AHCYL2: variants seen among roughly 807,000 people sequenced by gnomAD.
The protein encoded by AHCYL2 is adenosylhomocysteinase like 2.
A neutral mutation model predicts 81.4 loss-of-function variants in AHCYL2; 28 were observed. The ratio of observed to expected loss-of-function variants is 0.34; its 90% CI spans 0.25 to 0.47. AHCYL2 has a LOEUF of 0.47. Among genes scored for constraint, AHCYL2 ranks in the 20% least tolerant of loss-of-function variants. The pLI, the probability that AHCYL2 is intolerant of heterozygous loss-of-function variation, is 1.00. For missense variants in AHCYL2, 551 were observed against 785.1 expected (o/e 0.70, Z 3.56); for synonymous variants, 272 against 290.2 (o/e 0.94, Z 0.64).
intron 11 of AHCYL2, among the ~76,000 whole-genome samples, chr7:129,412,129 A>T (rs1796610048): frequency 6.6e-6 from 1 of 151,728 alleles, no homozygotes; most frequent in Admixed American, 6.6e-5. Context: ...TAGGCAGAGC[A>T]CTTGAGCCCA....
chr7:129,374,637 T>C (rs1006202352), intron 1 of AHCYL2, among the ~76,000 whole-genome samples: 3 of 151,920 alleles, frequency 2.0e-5, no homozygotes, highest in Non-Finnish European at 4.4e-5. Context: ...TGAAACCCCA[T>C]GTTTACTAAA....
intron 4 of AHCYL2, among the ~76,000 whole-genome samples, chr7:129,391,625 C>T (rs891183316): frequency 1.3e-5 from 2 of 152,170 alleles, no homozygotes; most frequent in African/African-American, 4.8e-5. Context: ...AGACCACTAT[C>T]GGGAAATTGT....
chr7:129,359,076 T>A (rs1793843997), intron 1 of AHCYL2, among the ~76,000 whole-genome samples: 1 of 152,190 alleles, frequency 6.6e-6, no homozygotes, highest in Admixed American at 6.5e-5. Flanking sequence ...CATTATTTTT[T>A]TATAGTCCCC....
chr7:129,240,951 T>G (rs1303672530), intron 1 of AHCYL2, among the ~76,000 whole-genome samples: 5 of 152,186 alleles, frequency 3.3e-5, no homozygotes, highest in South Asian at 4.1e-4. Flanking sequence ...TTGATGGAAC[T>G]TAAGAATGAC....
chr7:129,240,867 G>C (rs576579174), intron 1 of AHCYL2, among the ~76,000 whole-genome samples: 1 of 152,240 alleles, frequency 6.6e-6, no homozygotes, highest in Admixed American at 6.5e-5. Context: ...TTATGTATTA[G>C]ATATAGAAAG....
At position 129,403,674 on chromosome 7, in the gene AHCYL2, T is replaced by C. The variant is rs180878427; in HGVS notation, c.1025+189T>C. Among the ~76,000 whole-genome samples the C allele has an allele frequency of 5.2e-3, 790 of 151,752 alleles. 8 individuals carry two copies. Among genetic ancestry groups the C allele is most frequent in the African/African-American group, 0.018 (761 of 41,416 alleles). On this transcript the variant is annotated intron_variant, in intron 7 of 16. Coordinates refer to ENST00000325006, the MANE Select transcript of AHCYL2 (RefSeq NM_015328.4). Reference sequence around the variant, plus strand: ...GTCAGGAGATCAAGACCATCCTGGCTAACACGGTGAAACCCCGTCTCTACT... The same window carrying C: ...GTCAGGAGATCAAGACCATCCTGGCCAACACGGTGAAACCCCGTCTCTACT...
At chr7:129,276,150 A>ACTT (rs1214977081) in intron 1 of AHCYL2, among the ~76,000 whole-genome samples, 1 of 152,126 alleles carries the variant, frequency 6.6e-6, no homozygotes, top group Admixed American at 6.5e-5. Flanking sequence ...AAAAAATAAT[A>ACTT]ATGGAAATTA....
intron 1 of AHCYL2, among the ~76,000 whole-genome samples, chr7:129,295,982 TA>T (rs1176814662): frequency 6.6e-5 from 10 of 152,240 alleles, no homozygotes; most frequent in African/African-American, 2.2e-4. Flanking sequence ...CTTTATTTGC[TA>T]AATAGATTTT....
intron 1 of AHCYL2, among the ~76,000 whole-genome samples, chr7:129,375,042 G>A (rs905761577): frequency 6.6e-6 from 1 of 151,882 alleles, no homozygotes; most frequent in African/African-American, 2.4e-5. Flanking sequence ...GTTGTGATTC[G>A]GGGGACTCTG....
At chr7:129,230,822 C>T (rs564802320) in intron 1 of AHCYL2, among the ~76,000 whole-genome samples, 1 of 152,274 alleles carries the variant, frequency 6.6e-6, no homozygotes, top group East Asian at 1.9e-4. Context: ...CCACCTGCCT[C>T]AGCCTCCCAA....
chr7:129,360,596 T>C (rs1355573159), intron 1 of AHCYL2, among the ~76,000 whole-genome samples: 1 of 152,202 alleles, frequency 6.6e-6, no homozygotes, highest in Non-Finnish European at 1.5e-5. Flanking sequence ...GTGATAGAGA[T>C]CAGTCTGGGG....
intron 1 of AHCYL2, among the ~76,000 whole-genome samples, chr7:129,271,348 G>A (rs1035465610): frequency 3.4e-5 from 4 of 117,630 alleles, no homozygotes; most frequent in East Asian, 4.9e-4. Context: ...GCAACAGAAC[G>A]AGACTGTCTC....
chr7:129,280,072 C>T (rs922248622), intron 1 of AHCYL2, among the ~76,000 whole-genome samples: 7 of 151,886 alleles, frequency 4.6e-5, no homozygotes, highest in African/African-American at 1.2e-4. Context: ...AAGATGGAGT[C>T]GCCTTGGTTC....
chr7:129,368,459 T>G lies in AHCYL2; in HGVS notation c.364-11179T>G, dbSNP rs1233116349. On this transcript the variant is annotated intron_variant, in intron 1 of 16. Coordinates refer to ENST00000325006, the MANE Select transcript of AHCYL2 (RefSeq NM_015328.4). This position sits in a 1 kb window ranked among gnomAD's most constrained non-coding sequence, Gnocchi z 4.4. ...CCAGTATTTCCAAACCAGCTTTCCC[T>G]TTTGCTTCAGGACATATCTTACCCA... 1.2e-6 allele frequency: 2 copies of G among 1,613,662 alleles called. No homozygotes were observed. The highest frequency in any genetic ancestry group is 3.3e-5 in the Admixed American group (2 of 59,990).
chr7:129,269,289 ATT>A (rs56024439), intron 1 of AHCYL2, among the ~76,000 whole-genome samples: 7 of 140,708 alleles, frequency 5.0e-5, no homozygotes, highest in Non-Finnish European at 7.8e-5. Flanking sequence ...ACCATGCCTA[ATT>A]TTTTTTTTTT....
intron 1 of AHCYL2, among the ~76,000 whole-genome samples, chr7:129,225,681 C>T (rs1037187473): frequency 6.6e-6 from 1 of 152,162 alleles, no homozygotes; most frequent in Admixed American, 6.5e-5. Flanking sequence ...GCGCTCTCCC[C>T]TACTACTTGG....
chr7:129,227,457 C>CA (rs58088647), intron 1 of AHCYL2, among the ~76,000 whole-genome samples: 58 of 70,208 alleles, frequency 8.3e-4, no homozygotes, highest in Admixed American at 2.2e-3. Context: ...CCTCTCTCTC[C>CA]AAAAAAAAAA....
At chr7:129,333,950 A>C (rs1220224224) in intron 1 of AHCYL2, among the ~76,000 whole-genome samples, 1 of 152,122 alleles carries the variant, frequency 6.6e-6, no homozygotes. Context: ...ATTTATTCCT[A>C]TCCCCTTTTT....
intron 11 of AHCYL2, 65 bp from the exon 12 acceptor site, chr7:129,413,529 T>G (rs1374898663): frequency 7.9e-7 from 1 of 1,262,564 alleles, no homozygotes; most frequent in African/African-American, 1.5e-5. Context: ...GATTTGCACA[T>G]TTATTTTCTC....
Sources: gnomAD v4.1 joint callset for allele counts (sites outside exome capture counted in the v4.1 genomes callset) on GRCh38, gnomAD v4.1.1 for gene constraint, Gnocchi (gnomAD v3.1) non-coding constraint, MANE v1.5 for transcripts, NCBI Gene and HGNC (gene_info 2026-07-23, HGNC 2026-07-21) for gene names.